Variants in SLC20A1 observed in about 807,000 individuals in gnomAD.
SLC20A1 encodes sodium-dependent phosphate transporter 1.
In SLC20A1, 28 loss-of-function variants were observed where a neutral mutation model predicts 62.7. The ratio of observed to expected loss-of-function variants is 0.45; its 90% CI spans 0.33 to 0.61. The LOEUF (loss-of-function observed/expected upper bound fraction) is 0.61, where lower values mean the gene tolerates loss of function less well. Among genes scored for constraint, SLC20A1 ranks in the 20% least tolerant of loss-of-function variants. The pLI is 0.02. For synonymous variants in SLC20A1, 305 were observed against 302.9 expected, an observed-to-expected ratio of 1.01 and a Z score of -0.07; for missense variants, 673 against 838.6, an observed-to-expected ratio of 0.80 and a Z score of 2.44.
intron 5 of SLC20A1, among the ~76,000 whole-genome samples, chr2:112,653,571 A>G (rs1686497864): frequency 6.6e-6 from 1 of 152,156 alleles, no homozygotes; most frequent in South Asian, 2.1e-4. Flanking sequence ...ACACACATGT[A>G]TGTATGTAGA....
At chr2:112,655,389 T>C (rs984045810) in intron 5 of SLC20A1, among the ~76,000 whole-genome samples, 3 of 152,138 alleles carry the variant, frequency 2.0e-5, no homozygotes, top group African/African-American at 7.2e-5. Flanking sequence ...GATGGGTTTA[T>C]AGGTACATAA....
At chr2:112,658,557 CAAT>C (rs1686662054) in intron 6 of SLC20A1, 2 of 367,448 alleles carry the variant, frequency 5.4e-6, no homozygotes, top group Non-Finnish European at 9.8e-6. Context: ...AACAAAACAA[CAAT>C]GTGCTACAGA....
At position 112,659,206 on chromosome 2, in the gene SLC20A1, G is replaced by A. The variant is rs113994840; in HGVS notation, c.1051G>A (p.Ala351Thr). The A allele has an allele frequency of 3.6e-3, 5,819 of 1,612,534 alleles. 200 individuals carry two copies. The African/African-American group carries it at 0.069, about 19-fold the overall frequency. The change falls in exon 8 of 11, where the codon GCA becomes ACA. Residue 351 changes from alanine to threonine, a missense_variant and splice_region_variant. Physicochemically the swap from Ala to Thr is moderately conservative, Grantham distance 58. Transcript: ENST00000272542. ...ETSIDSTVNG[A>T]VQLPNGNLVQ... Reference sequence around the variant, plus strand: ...GTCACCTTGGTGATCTTGACTAGGTGCAGTGCAGTTGCCTAATGGGAACCT... The same window carrying A: ...GTCACCTTGGTGATCTTGACTAGGTACAGTGCAGTTGCCTAATGGGAACCT...
chr2:112,647,352 G>C lies in SLC20A1; in HGVS notation c.363G>C (p.Ser121=). The change falls in exon 3 of 11, where the codon TCG becomes TCC. Residue 121 remains serine, a synonymous_variant. Transcript: ENST00000272542. ...CTGCTGTGTGGCAACTCGTGGCTTC[G>C]TTTTTGAAGCTCCCTATTTCTGGAA... ...FGSAVWQLVA[S]FLKLPISGTH... The C allele has an allele frequency of 1.2e-6, 2 of 1,613,762 alleles. No homozygotes were observed. Among genetic ancestry groups the C allele is most frequent in the Non-Finnish European group, 8.5e-7 (1 of 1,179,920 alleles).
chr2:112,660,996 A>G lies in SLC20A1; in HGVS notation c.1794-146A>G, dbSNP rs1686734151. ...CTGTGGCCTGATTTAAATAAAGTAG[A>G]TCTTAGGGGTTATAGCAAATAAAGA... On this transcript the variant is annotated intron_variant, in intron 9 of 10. Transcript: ENST00000272542. 7.2e-6 allele frequency: 4 copies of G among 556,854 alleles called. No individual in the cohort carries two copies. In the East Asian group the frequency reaches 1.1e-4, roughly 16 times the overall value. 34.5% of individuals were successfully genotyped at this position (556,854 alleles called of 1,614,324 possible).
At chr2:112,658,068 G>A (rs1286875484) in intron 6 of SLC20A1, among the ~76,000 whole-genome samples, 1 of 152,268 alleles carries the variant, frequency 6.6e-6, no homozygotes, top group Non-Finnish European at 1.5e-5. Flanking sequence ...GAGCCTCCGA[G>A]AGGTTCTGTG....
chr2:112,663,150 G>A lies in SLC20A1; in HGVS notation c.*125G>A. On this transcript the variant is annotated 3_prime_UTR_variant, in exon 11 of 11. Transcript: ENST00000272542. ...GTCTTTTTATTTGGGAGCCAGAGGA[G>A]GGAAGTGTTACTTGTGCTATAACTG... The A allele has an allele frequency of 2.6e-6, 3 of 1,132,870 alleles. No homozygotes were observed. The highest frequency in any genetic ancestry group is 4.0e-6 in the Non-Finnish European group (3 of 743,890). 70.2% of individuals were successfully genotyped at this position (1,132,870 alleles called of 1,614,324 possible).
rs1574189882 is a variant in SLC20A1 at position 112,659,578 on chromosome 2, C to T, written c.1423C>T (p.His475Tyr). 6.2e-7 allele frequency: 1 copy of T among 1,614,226 alleles called. No homozygotes were observed. Among genetic ancestry groups the T allele is most frequent in the East Asian group, 2.2e-5 (1 of 44,892 alleles). The change falls in exon 8 of 11, where the codon CAC becomes TAC. Residue 475 changes from histidine (H) to tyrosine (Y), a missense_variant. Transcript: ENST00000272542. ...TTACTGCAATGCTGTGTCTGACCTTCACTCAGCATCTGAGATAGACATGAG... is the reference window on the plus strand; with the variant it reads ...TTACTGCAATGCTGTGTCTGACCTTTACTCAGCATCTGAGATAGACATGAG... Reference protein sequence around the residue: ...TSYCNAVSDLHSASEIDMSVK... With the variant: ...TSYCNAVSDLYSASEIDMSVK...
intron 2 of SLC20A1, 21 bp downstream of exon 2, chr2:112,647,183 G>T: frequency 6.2e-7 from 1 of 1,603,290 alleles, no homozygotes; most frequent in African/African-American, 1.3e-5. Flanking sequence ...TTTATGTTTT[G>T]TCCTCTTCGT....
chr2:112,646,725 TAA>T lies in SLC20A1; in HGVS notation c.-103_-102del. On this transcript the variant is annotated 5_prime_UTR_variant, in exon 2 of 11. Coordinates refer to ENST00000272542, the MANE Select transcript of SLC20A1 (RefSeq NM_005415.5). ...GTAGTTTACAGTATTTAATTTTATA[TAA>T]TATATATTATTTATTATAGCATTTT... The T allele has an allele frequency of 2.1e-6, 1 of 465,952 alleles. No homozygotes were observed. Among genetic ancestry groups the T allele is most frequent in the Non-Finnish European group, 3.4e-6 (1 of 295,376 alleles). The allele number at this position is 465,952 out of a possible 1,614,324, so 28.9% of individuals were successfully genotyped here.
At chr2:112,655,444 G>A (rs1256592810) in intron 5 of SLC20A1, among the ~76,000 whole-genome samples, 1 of 150,890 alleles carries the variant, frequency 6.6e-6, no homozygotes, top group Admixed American at 6.6e-5. Flanking sequence ...TACATAACAA[G>A]CAAAATAAAG....
intron 4 of SLC20A1, among the ~76,000 whole-genome samples, chr2:112,649,563 C>T (rs1027004151): frequency 1.3e-5 from 2 of 151,998 alleles, no homozygotes; most frequent in Admixed American, 6.6e-5. Flanking sequence ...ATTAACATGA[C>T]CTTTTTTTTT....
chr2:112,652,457 T>G, intron 4 of SLC20A1: 1 of 537,370 alleles, frequency 1.9e-6, no homozygotes, highest in Non-Finnish European at 3.3e-6. Flanking sequence ...CAGGATGTTA[T>G]CAGTCACTGG....
chr2:112,662,724 A>T, intron 10 of SLC20A1, 140 bp from the exon 11 acceptor site: 1 of 728,528 alleles, frequency 1.4e-6, no homozygotes, highest in Non-Finnish European at 2.2e-6. Flanking sequence ...TTCCCAGCTT[A>T]ACCTGTTGTA....
intron 4 of SLC20A1, among the ~76,000 whole-genome samples, chr2:112,650,780 C>T (rs1180772784): frequency 6.6e-6 from 1 of 152,122 alleles, no homozygotes; most frequent in Admixed American, 6.5e-5. Context: ...TGTGCCACCA[C>T]ATCTGGCTAA....
Position 112,652,787 on chromosome 2 carries a change from C to G in SLC20A1, c.647C>G (p.Thr216Ser). 3 of 1,613,822 alleles carry G rather than the reference C, an allele frequency of 1.9e-6. No homozygotes were observed. Among genetic ancestry groups the G allele is most frequent in the Non-Finnish European group, 2.5e-6 (3 of 1,179,720 alleles). Residue 216 changes from threonine to serine, a missense_variant, in exon 5 of 11, where the codon ACT becomes AGT. Thr to Ser is a moderately conservative substitution (Grantham distance 58). Transcript: ENST00000272542. Reference sequence around the variant, plus strand: ...ATAAACCTCTTTTCCATCATGTATACTGGAGCACCGTGTAAGTACCTATCA... The same window carrying G: ...ATAAACCTCTTTTCCATCATGTATAGTGGAGCACCGTGTAAGTACCTATCA... ...VGINLFSIMY[T>S]GAPLLGFDKL...
At position 112,647,062 on chromosome 2, in the gene SLC20A1, G is replaced by A. The variant is rs1349139116; in HGVS notation, c.234G>A (p.Gly78=). 8 of 1,614,012 alleles carry A rather than the reference G, an allele frequency of 5.0e-6. No individual in the cohort carries two copies. The highest frequency in any genetic ancestry group is 6.8e-6 in the Non-Finnish European group (8 of 1,180,048). The part of the protein sequence containing the change: ...IFETVGSVLL[G]AKVSETIRKG... ...AAACAGTGGGCTCTGTCTTACTGGG[G>A]GCCAAAGTGAGCGAAACCATCCGGA... The change falls in exon 2 of 11, where the codon GGG becomes GGA. Residue 78 remains glycine (G), a synonymous_variant. Transcript: ENST00000272542.
intron 8 of SLC20A1, 62 bp from the exon 9 acceptor site, chr2:112,660,325 T>G (rs751076632): frequency 2.4e-5 from 34 of 1,416,500 alleles, no homozygotes; most frequent in Non-Finnish European, 3.2e-5. Flanking sequence ...TTCAGCAGAT[T>G]GGGTCTTGCC....
chr2:112,659,369 G>T lies in SLC20A1; in HGVS notation c.1214G>T (p.Gly405Val). 1 of 1,614,174 alleles carries T rather than the reference G, an allele frequency of 6.2e-7. No homozygotes were observed. The highest frequency in any genetic ancestry group is 8.5e-7 in the Non-Finnish European group (1 of 1,180,038). The change falls in exon 8 of 11, where the codon GGA becomes GTA. Residue 405 changes from glycine (G) to valine (V), a missense_variant. By Grantham distance (109) the Gly-to-Val change is moderately radical. Coordinates refer to ENST00000272542, the MANE Select transcript of SLC20A1 (RefSeq NM_005415.5). ...LHLAKVGDCM[G>V]DSGDKPLRRN... ...CTTGCCAAGGTGGGAGATTGCATGG[G>T]AGACTCCGGTGACAAACCCTTAAGG...
Sources: allele counts gnomAD v4.1 joint callset (sites outside exome capture counted in the v4.1 genomes callset), GRCh38; gene constraint gnomAD v4.1.1; transcripts MANE v1.5; gene names NCBI Gene and HGNC (gene_info 2026-07-23, HGNC 2026-07-21).